The following ALDH9A1 variants were observed in gnomAD, a reference collection of about 807,000 sequenced individuals.
ALDH9A1 encodes the protein 4-trimethylaminobutyraldehyde dehydrogenase.
ALDH9A1 carries 42 observed loss-of-function variants against 56.6 expected under a neutral mutation model. That is an observed-to-expected ratio of 0.74 (90% CI 0.58 to 0.96). The LOEUF (loss-of-function observed/expected upper bound fraction) is 0.96, where lower values mean the gene tolerates loss of function less well. Among genes scored for constraint, ALDH9A1 ranks in the 40% least tolerant of loss-of-function variants. The probability of loss-of-function intolerance (pLI) is 0.00; values close to 1 mark genes in which losing one functional copy is unlikely to be tolerated. For synonymous variants in ALDH9A1, 242 were observed against 236.0 expected (o/e 1.03, Z -0.23); for missense variants, 661 against 651.5 (o/e 1.01, Z -0.16).
intron 2 of ALDH9A1, among the ~76,000 whole-genome samples, chr1:165,689,665 G>A (rs372864662): frequency 6.6e-6 from 1 of 152,162 alleles, no homozygotes; most frequent in Admixed American, 6.5e-5. Context: ...CGGATGCAGT[G>A]GCTCATGCCT....
intron 2 of ALDH9A1, among the ~76,000 whole-genome samples, 187 bp downstream of exon 2, chr1:165,695,065 G>A (rs890566515): frequency 6.6e-6 from 1 of 152,082 alleles, no homozygotes; most frequent in Non-Finnish European, 1.5e-5. Flanking sequence ...AGATGTCCAA[G>A]AGCCAACATC....
chr1:165,690,137 G>T (rs1238966688), intron 2 of ALDH9A1, among the ~76,000 whole-genome samples: 1 of 124,402 alleles, frequency 8.0e-6, no homozygotes, highest in African/African-American at 3.0e-5. Context: ...ATATTATATA[G>T]ATTATATATT....
At chr1:165,692,546 T>C (rs1381155713) in intron 2 of ALDH9A1, among the ~76,000 whole-genome samples, 4 of 152,166 alleles carry the variant, frequency 2.6e-5, no homozygotes, top group African/African-American at 9.7e-5. Flanking sequence ...TACAAACCAC[T>C]GCTCAATGAA....
At chr1:165,697,919 C>T (rs1391736911) in intron 1 of ALDH9A1, among the ~76,000 whole-genome samples, 1 of 151,810 alleles carries the variant, frequency 6.6e-6, no homozygotes, top group Non-Finnish European at 1.5e-5. Flanking sequence ...ATCCCAGCTA[C>T]CAGGGAGGCT....
chr1:165,681,165 A>G lies in ALDH9A1; in HGVS notation c.593-482T>C, dbSNP rs151032251. 6.2e-4 allele frequency among the ~76,000 whole-genome samples: 95 copies of G among 152,326 alleles called. 1 individual carries two copies. The highest frequency in any genetic ancestry group is 1.5e-3 in the East Asian group (8 of 5,186). On this transcript the variant is annotated intron_variant, in intron 4 of 10. Transcript: ENST00000354775. ...CAAGTTGAGATTTGGGTGGGGACAC[A>G]GCCAAACCATATCAATAAGTAAACA... is the stretch of plus-strand genomic sequence containing the variant.
intron 6 of ALDH9A1, among the ~76,000 whole-genome samples, chr1:165,675,248 GCTCT>G (rs34495301): frequency 6.0e-5 from 9 of 150,488 alleles, no homozygotes; most frequent in Non-Finnish European, 8.9e-5. Flanking sequence ...TATTTTTAGT[GCTCT>G]CTCTCTCTCT....
intron 2 of ALDH9A1, among the ~76,000 whole-genome samples, chr1:165,692,856 C>T (rs1454516329): frequency 6.6e-6 from 1 of 151,926 alleles, no homozygotes; most frequent in Non-Finnish European, 1.5e-5. Context: ...GGTACTGGTA[C>T]CAAAACAGAG....
rs57117372 is a variant in ALDH9A1, at chr1:165,679,722, T to G, written c.790-140A>C. The G allele has an allele frequency of 2.1e-3, 1,844 of 894,848 alleles. 22 individuals carry two copies. In the African/African-American group the frequency reaches 0.028, roughly 13 times the overall value. 55.4% of individuals were successfully genotyped at this position (894,848 alleles called of 1,614,324 possible). A position where few individuals can be genotyped will look rare whatever the true frequency, so the allele number is the denominator to read the frequency against. ...ATTCTTGTCAATATCCTTTGCCTTT[T>G]GGCTATTAAAATATTCTATTCCAGA... On this transcript the variant is annotated intron_variant, in intron 5 of 10. Transcript: ENST00000354775.
At chr1:165,687,245 A>C (rs1649737391) in intron 2 of ALDH9A1, among the ~76,000 whole-genome samples, 2 of 152,150 alleles carry the variant, frequency 1.3e-5, no homozygotes, top group African/African-American at 4.8e-5. Context: ...CAGGCAGCCC[A>C]ATATATGTGT....
At position 165,668,968 on chromosome 1, in the gene ALDH9A1, G is replaced by T. The variant is rs1649088943; in HGVS notation, c.1165C>A (p.Pro389Thr). The T allele has an allele frequency of 2.5e-6, 4 of 1,611,548 alleles. No homozygotes were observed. The South Asian group carries it at 4.4e-5, about 18-fold the overall frequency. The change falls in exon 8 of 11, where the codon CCC becomes ACC. Residue 389 changes from proline (P) to threonine (T), a missense_variant. By Grantham distance (38) the Pro-to-Thr change is conservative. Coordinates refer to ENST00000354775, the MANE Select transcript of ALDH9A1 (RefSeq NM_000696.4). ...CGGDIYVPED[P>T]KLKDGYYMRP... ...ATGTAATATCCATCCTTTAATTTGGGATCTTCAGGTACATATATATCTCCA... is the reference window on the plus strand; with the variant it reads ...ATGTAATATCCATCCTTTAATTTGGTATCTTCAGGTACATATATATCTCCA...
intron 2 of ALDH9A1, among the ~76,000 whole-genome samples, chr1:165,689,412 T>C (rs1649811638): frequency 6.6e-6 from 1 of 152,222 alleles, no homozygotes; most frequent in African/African-American, 2.4e-5. Flanking sequence ...GATAATAAAC[T>C]TAGTGATACC....
At chr1:165,686,604 G>C (rs1649718604) in intron 2 of ALDH9A1, among the ~76,000 whole-genome samples, 1 of 151,936 alleles carries the variant, frequency 6.6e-6, no homozygotes, top group Non-Finnish European at 1.5e-5. Context: ...TTAACACCCG[G>C]ATCACAGGGT....
At chr1:165,671,476 C>T (rs1356442984) in intron 6 of ALDH9A1, 3 of 446,802 alleles carry the variant, frequency 6.7e-6, no homozygotes, top group East Asian at 1.3e-4. Flanking sequence ...CGATTTGTGA[C>T]AGGCAATAAA....
chr1:165,668,870 C>G, intron 8 of ALDH9A1, 56 bp downstream of exon 8: 1 of 1,300,632 alleles, frequency 7.7e-7, no homozygotes. Context: ...ATATTCATCT[C>G]TATCTATTCA....
intron 6 of ALDH9A1, chr1:165,676,701 TC>T: frequency 2.2e-6 from 1 of 460,140 alleles, no homozygotes; most frequent in Non-Finnish European, 4.2e-6. Context: ...ACCAGCCTAC[TC>T]CACCCAGGGA....
Position 165,667,428 on chromosome 1 carries a change from GGTCAT to G in ALDH9A1, c.1225_1229del (p.Met409LeufsTer17). 6.2e-7 allele frequency: 1 copy of G among 1,613,944 alleles called. No homozygotes were observed. Among genetic ancestry groups the G allele is most frequent in the Non-Finnish European group, 8.5e-7 (1 of 1,179,944 alleles). On this transcript the variant is annotated frameshift_variant, in exon 9 of 11. Coordinates refer to ENST00000354775, the MANE Select transcript of ALDH9A1 (RefSeq NM_000696.4). LOFTEE classifies it high-confidence loss of function. ...GCCCAAAGATCTCTTCCTTCACACAGGTCATGTCGTCTCTGCAATTAGCTGCAAAC... is the reference window on the plus strand; with the variant it reads ...GCCCAAAGATCTCTTCCTTCACACAGGTCGTCTCTGCAATTAGCTGCAAAC...
intron 1 of ALDH9A1, 22 bp downstream of exon 1, chr1:165,698,356 C>G: frequency 1.3e-6 from 2 of 1,577,098 alleles, no homozygotes; most frequent in Non-Finnish European, 1.7e-6. Flanking sequence ...GCGCCCCAGC[C>G]TCCCCGGCTC....
chr1:165,673,622 C>T (rs1388930759), intron 6 of ALDH9A1, among the ~76,000 whole-genome samples: 4 of 152,188 alleles, frequency 2.6e-5, no homozygotes, highest in South Asian at 2.1e-4. Flanking sequence ...CACCTTTTGT[C>T]GGAACTCAGA....
intron 2 of ALDH9A1, among the ~76,000 whole-genome samples, chr1:165,686,493 C>T (rs1649711705): frequency 6.8e-6 from 1 of 146,550 alleles, no homozygotes; most frequent in East Asian, 2.2e-4. Context: ...AAAAGGACTA[C>T]CCAAGAAGAA....
Sources: allele counts gnomAD v4.1 joint callset (sites outside exome capture counted in the v4.1 genomes callset), GRCh38; gene constraint gnomAD v4.1.1; transcripts MANE v1.5; gene names NCBI Gene and HGNC (gene_info 2026-07-23, HGNC 2026-07-21).